ARHGAP5: variants seen among roughly 807,000 people sequenced by gnomAD.
ARHGAP5 encodes Rho GTPase activating protein 5.
A neutral mutation model predicts 116.6 loss-of-function variants in ARHGAP5; 23 were observed. That is an observed-to-expected ratio of 0.20 (90% CI 0.14 to 0.28). The LOEUF is 0.28. ARHGAP5 is among the 10% of genes least tolerant of loss of function. The pLI is 1.00. For missense variants in ARHGAP5, 1,405 were observed against 1,774.8 expected (o/e 0.79, Z 3.74); for synonymous variants, 574 against 602.0 (o/e 0.95, Z 0.68).
At chr14:32,100,620 A>C (rs777931966) in intron 2 of ARHGAP5, among the ~76,000 whole-genome samples, 20 of 152,240 alleles carry the variant, frequency 1.3e-4, no homozygotes, top group Non-Finnish European at 2.2e-4. Flanking sequence ...GATTATATGC[A>C]AATACTATAC....
In ARHGAP5 at chr14:32,133,561, G is replaced by A. The variant is rs551837664; in HGVS notation, c.3866-12702G>A. Among the ~76,000 whole-genome samples, 9 of 152,132 alleles carry A rather than the reference G, an allele frequency of 5.9e-5. No individual in the cohort carries two copies. The South Asian group carries it at 1.9e-3, about 32-fold the overall frequency. ...GTTTGACTTCCTCTTTTTCCTAATT[G>A]AATACCCTTTATTTCCTTCTCCTGC... On this transcript the variant is annotated intron_variant, in intron 3 of 6. Transcript: ENST00000345122.
intron 3 of ARHGAP5, among the ~76,000 whole-genome samples, chr14:32,145,987 G>A (rs1263057469): frequency 6.6e-6 from 1 of 151,886 alleles, no homozygotes; most frequent in Non-Finnish European, 1.5e-5. Flanking sequence ...TTGCTCTGTT[G>A]CCTTGACCTC....
At chr14:32,090,452 G>C in intron 1 of ARHGAP5, 50 bp from the exon 2 acceptor site, 2 of 497,174 alleles carry the variant, frequency 4.0e-6, no homozygotes, top group Non-Finnish European at 7.0e-6. Flanking sequence ...TTGTAATTCA[G>C]TGTATGTAAT....
At chr14:32,113,847 A>G (rs1195589166) in intron 2 of ARHGAP5, among the ~76,000 whole-genome samples, 3 of 152,180 alleles carry the variant, frequency 2.0e-5, no homozygotes, top group Admixed American at 6.5e-5. Context: ...TTAAAACTTT[A>G]TATTCCTCAG....
rs1555356499 is a variant in ARHGAP5, at chr14:32,105,488, T to TA, written c.3717+11110dup. 3.6e-3 allele frequency among the ~76,000 whole-genome samples: 547 copies of TA among 150,818 alleles called. 6 individuals are homozygous for TA. The highest frequency in any genetic ancestry group is 8.7e-3 in the African/African-American group (358 of 41,142). ...ATTCATATGCTATTGTTTTTTTTTT[T>TA]AAAAAAAAGAGAGACCCCATGTGCT... On this transcript the variant is annotated intron_variant, in intron 2 of 6. Transcript: ENST00000345122.
In ARHGAP5 at chr14:32,092,551, A is replaced by G; in HGVS notation, c.1882A>G (p.Lys628Glu). ...TGATGATGAGTATGCCTTAGATGGA[A>G]AAATTTATGAACTTGATCTTCGGCC... Reference protein sequence around the residue: ...STDDEYALDGKIYELDLRPVD... With the variant: ...STDDEYALDGEIYELDLRPVD... Residue 628 changes from lysine to glutamate, a missense_variant, in exon 2 of 7, where the codon AAA becomes GAA. Lys to Glu is a moderately conservative substitution (Grantham distance 56). Transcript: ENST00000345122. This position sits in a 1 kb window ranked among gnomAD's most constrained non-coding sequence, Gnocchi z 4.1. 1 of 1,613,808 alleles carries G rather than the reference A, an allele frequency of 6.2e-7. No homozygotes were observed. The highest frequency in any genetic ancestry group is 8.5e-7 in the Non-Finnish European group (1 of 1,179,866).
chr14:32,117,494 T>C (rs1450682994), intron 3 of ARHGAP5, among the ~76,000 whole-genome samples: 1 of 152,242 alleles, frequency 6.6e-6, no homozygotes, highest in African/African-American at 2.4e-5. Flanking sequence ...TCTCTTGAAG[T>C]AATAAATGGC....
intron 3 of ARHGAP5, among the ~76,000 whole-genome samples, chr14:32,129,936 A>G (rs1880383901): frequency 6.6e-6 from 1 of 152,116 alleles, no homozygotes; most frequent in Non-Finnish European, 1.5e-5. Flanking sequence ...ACAGTGGCTC[A>G]CACCTGTAAT....
At chr14:32,146,944 C>T (rs12100930) in intron 4 of ARHGAP5, among the ~76,000 whole-genome samples, 4,808 of 152,184 alleles carry the variant, frequency 0.032, 260 homozygotes, top group African/African-American at 0.11. Flanking sequence ...GCATATACTC[C>T]GAGTTTCTTC....
chr14:32,154,771 G>A lies in ARHGAP5; in HGVS notation c.4332G>A (p.Gln1444=). 1 of 1,614,160 alleles carries A rather than the reference G, an allele frequency of 6.2e-7. No individual in the cohort carries two copies. Among genetic ancestry groups the A allele is most frequent in the South Asian group, 1.1e-5 (1 of 91,082 alleles). ...CTGTTGTTGAAACATTCATTCAGCA[G>A]TGTCAGTTTTTCTTTTACAATGGAG... is the stretch of plus-strand genomic sequence containing the variant. ...HQSVVETFIQ[Q]CQFFFYNGEI... The change falls in exon 7 of 7, where the codon CAG becomes CAA. Residue 1444 remains glutamine, a synonymous_variant. Transcript: ENST00000345122.
intron 3 of ARHGAP5, among the ~76,000 whole-genome samples, chr14:32,133,072 C>T (rs1382720462): frequency 6.6e-6 from 1 of 152,132 alleles, no homozygotes; most frequent in African/African-American, 2.4e-5. Context: ...GATGCAGGCT[C>T]TTTTTTGGTT....
chr14:32,153,123 A>T (rs1881720882), intron 6 of ARHGAP5, among the ~76,000 whole-genome samples: 1 of 150,940 alleles, frequency 6.6e-6, no homozygotes, highest in South Asian at 2.1e-4. Context: ...CTCCTAAAAG[A>T]GGATTCACCA....
chr14:32,115,421 T>TG (rs553883724), intron 2 of ARHGAP5, among the ~76,000 whole-genome samples: 93 of 152,110 alleles, frequency 6.1e-4, no homozygotes, highest in African/African-American at 2.1e-3. Context: ...ACCAGCACTT[T>TG]GGGAGGCCAA....
rs907858100 is a variant in ARHGAP5 at position 32,156,304 on chromosome 14, T to C, written c.*1356T>C. ...GAAAAAAATTATTTGGTCAATGTTATCTTAATTCATACTACAATTTAAGAT... is the reference window on the plus strand; with the variant it reads ...GAAAAAAATTATTTGGTCAATGTTACCTTAATTCATACTACAATTTAAGAT... On this transcript the variant is annotated 3_prime_UTR_variant, in exon 7 of 7. Coordinates refer to ENST00000345122, the MANE Select transcript of ARHGAP5 (RefSeq NM_001030055.2). The C allele has an allele frequency of 2.6e-5, 4 of 152,452 alleles. No homozygotes were observed. Among genetic ancestry groups the C allele is most frequent in the Non-Finnish European group, 5.9e-5 (4 of 67,872 alleles). 9.4% of individuals were successfully genotyped at this position (152,452 alleles called of 1,614,324 possible).
chr14:32,080,942 A>ATGTT (rs2041766215), intron 1 of ARHGAP5, among the ~76,000 whole-genome samples: 1 of 152,198 alleles, frequency 6.6e-6, no homozygotes, highest in South Asian at 2.1e-4. Flanking sequence ...AATGACTAGT[A>ATGTT]TGTTACTTGC....
At chr14:32,121,558 T>C (rs558349071) in intron 3 of ARHGAP5, among the ~76,000 whole-genome samples, 1 of 152,214 alleles carries the variant, frequency 6.6e-6, no homozygotes, top group South Asian at 2.1e-4. Context: ...TTGTCCTTGT[T>C]TTTGAAAGAT....
intron 2 of ARHGAP5, among the ~76,000 whole-genome samples, chr14:32,112,921 C>T (rs969961443): frequency 6.6e-6 from 1 of 152,104 alleles, no homozygotes; most frequent in Non-Finnish European, 1.5e-5. Context: ...TTCCACTGGC[C>T]CAATTATTTT....
At chr14:32,101,830 A>G (rs539196123) in intron 2 of ARHGAP5, among the ~76,000 whole-genome samples, 7 of 152,264 alleles carry the variant, frequency 4.6e-5, no homozygotes, top group African/African-American at 1.7e-4. Context: ...TGAAAATATA[A>G]AAATTAGCCA....
At chr14:32,096,916 C>T (rs556539249) in intron 2 of ARHGAP5, among the ~76,000 whole-genome samples, 33 of 152,274 alleles carry the variant, frequency 2.2e-4, no homozygotes, top group Non-Finnish European at 4.1e-4. Flanking sequence ...TCTACAGACC[C>T]TTAACCTCAA....
Sources: gnomAD v4.1 joint callset for allele counts (sites outside exome capture counted in the v4.1 genomes callset) on GRCh38, gnomAD v4.1.1 for gene constraint, Gnocchi (gnomAD v3.1) non-coding constraint, MANE v1.5 for transcripts, NCBI Gene and HGNC (gene_info 2026-07-23, HGNC 2026-07-21) for gene names.